The following CD226 variants were observed in gnomAD, a reference collection of about 807,000 sequenced individuals.
CD226 encodes CD226 molecule.
In CD226, 24 loss-of-function variants were observed where a neutral mutation model predicts 34.9. That is an observed-to-expected ratio of 0.69 (90% CI 0.50 to 0.97). The LOEUF (loss-of-function observed/expected upper bound fraction) is 0.97, where lower values mean the gene tolerates loss of function less well. Among genes scored for constraint, CD226 ranks in the 50% least tolerant of loss-of-function variants. CD226 has a pLI of 0.00. For missense variants in CD226, 397 were observed against 412.7 expected, an observed-to-expected ratio of 0.96 and a Z score of 0.33; for synonymous variants, 148 against 147.4, an observed-to-expected ratio of 1.00 and a Z score of -0.03.
chr18:69,887,723 T>C (rs1189249490), intron 3 of CD226, among the ~76,000 whole-genome samples: 1 of 152,232 alleles, frequency 6.6e-6, no homozygotes, highest in South Asian at 2.1e-4. Context: ...ATGCCACTCA[T>C]ATCTAAAGGA....
chr18:69,874,075 C>T (rs533092297), intron 3 of CD226, among the ~76,000 whole-genome samples: 1 of 152,018 alleles, frequency 6.6e-6, no homozygotes, highest in South Asian at 2.1e-4. Flanking sequence ...TACCATGGTC[C>T]AGTAATCTGA....
intron 2 of CD226, among the ~76,000 whole-genome samples, chr18:69,934,027 C>A: frequency 6.6e-6 from 1 of 152,060 alleles, no homozygotes; most frequent in East Asian, 1.9e-4. Context: ...TTTGAGAAAT[C>A]TGATGTCAGG....
Position 69,925,610 on chromosome 18 carries a change from C to T in CD226, c.382+21124G>A, listed in dbSNP as rs2055511327. Among the ~76,000 whole-genome samples the T allele has an allele frequency of 3.3e-5, 5 of 152,040 alleles. No homozygotes were observed. In the South Asian group the frequency reaches 1.0e-3, roughly 32 times the overall value. ...AGTTGCTGGATCCCGTCAACTCTAC[C>T]TTTTAAACATCTCTCAAACATGGAC... On this transcript the variant is annotated intron_variant, in intron 2 of 5. Coordinates refer to ENST00000582621, the MANE Select transcript of CD226 (RefSeq NM_001303618.2).
At position 69,853,790 on chromosome 18, in the gene CD226, T is replaced by C. The variant is rs181805360; in HGVS notation, c.*10524A>G. ...TTTTGCCTCTGGACTTGAATATTTG[T>C]ATAAGGCCTGATGTTGATCCAAGCA... On this transcript the variant is annotated 3_prime_UTR_variant, in exon 6 of 6. Transcript: ENST00000582621. The C allele has an allele frequency of 6.6e-6, 1 of 152,338 alleles. No homozygotes were observed. The highest frequency in any genetic ancestry group is 1.9e-4 in the East Asian group (1 of 5,182). The allele number at this position is 152,338 out of a possible 1,614,324, so 9.4% of individuals were successfully genotyped here. A position where few individuals can be genotyped will look rare whatever the true frequency, so the allele number is the denominator to read the frequency against.
At chr18:69,884,806 T>C (rs1212104438) in intron 3 of CD226, among the ~76,000 whole-genome samples, 3 of 152,200 alleles carry the variant, frequency 2.0e-5, no homozygotes, top group African/African-American at 7.2e-5. Flanking sequence ...TGACAAGCCC[T>C]CTTACTTGAA....
At chr18:69,896,595 T>G (rs1395409935) in intron 2 of CD226, among the ~76,000 whole-genome samples, 1 of 148,804 alleles carries the variant, frequency 6.7e-6, no homozygotes, top group Non-Finnish European at 1.5e-5. Context: ...GTTCCATAAG[T>G]GTTACTTGGT....
chr18:69,922,596 C>A (rs1276372175), intron 2 of CD226, among the ~76,000 whole-genome samples: 1 of 152,154 alleles, frequency 6.6e-6, no homozygotes, highest in Non-Finnish European at 1.5e-5. Flanking sequence ...TAATGTTTTA[C>A]ACTAAAAACA....
At chr18:69,882,399 C>T (rs1223527837) in intron 3 of CD226, among the ~76,000 whole-genome samples, 1 of 152,194 alleles carries the variant, frequency 6.6e-6, no homozygotes. Context: ...TTAGCTACTT[C>T]TTCTGGTGCG....
At chr18:69,956,001 T>A (rs986068631) in intron 1 of CD226, among the ~76,000 whole-genome samples, 3 of 152,106 alleles carry the variant, frequency 2.0e-5, no homozygotes, top group African/African-American at 7.2e-5. Context: ...CCTTAGAACC[T>A]TGGCAAGTCA....
chr18:69,953,123 G>T (rs1413180767), intron 1 of CD226, among the ~76,000 whole-genome samples: 1 of 152,188 alleles, frequency 6.6e-6, no homozygotes, highest in Non-Finnish European at 1.5e-5. Context: ...GCGTTGTAAA[G>T]AAATGTAAAA....
chr18:69,905,697 C>T (rs1310021565), intron 2 of CD226, among the ~76,000 whole-genome samples: 1 of 152,144 alleles, frequency 6.6e-6, no homozygotes, highest in Non-Finnish European at 1.5e-5. Context: ...AAAACACAGA[C>T]TGGGTTAGGG....
In CD226 at chr18:69,858,288, T is replaced by C. The variant is rs548382292; in HGVS notation, c.*6026A>G. ...ATTTATAAAAGGGTATATTAAACCC[T>C]GCCTTTAAGAAAACTATCATCTGGT... On this transcript the variant is annotated 3_prime_UTR_variant, in exon 6 of 6. Coordinates refer to ENST00000582621, the MANE Select transcript of CD226 (RefSeq NM_001303618.2). 6.6e-6 allele frequency: 1 copy of C among 152,322 alleles called. No individual in the cohort carries two copies. The highest frequency in any genetic ancestry group is 2.4e-5 in the African/African-American group (1 of 41,582). 9.4% of individuals were successfully genotyped at this position (152,322 alleles called of 1,614,324 possible).
intron 4 of CD226, among the ~76,000 whole-genome samples, chr18:69,869,527 G>A (rs1355629673): frequency 6.6e-6 from 1 of 152,172 alleles, no homozygotes; most frequent in East Asian, 1.9e-4. Flanking sequence ...GGAGAAGGGA[G>A]AGGATCAGGA....
intron 2 of CD226, among the ~76,000 whole-genome samples, chr18:69,936,126 C>G (rs752871360): frequency 2.0e-5 from 3 of 152,158 alleles, no homozygotes; most frequent in African/African-American, 7.2e-5. Context: ...AGCCTGTACC[C>G]GTGCCTGTAC....
At chr18:69,957,714 G>A (rs184716681), upstream of CD226, among the ~76,000 whole-genome samples, 3 of 152,252 alleles carry the variant, frequency 2.0e-5, no homozygotes, top group East Asian at 1.9e-4. Flanking sequence ...CCGCATATAC[G>A]AAAGCAAGGG....
In CD226 at chr18:69,924,680, T is replaced by A. The variant is rs1363310369; in HGVS notation, c.382+22054A>T. On this transcript the variant is annotated intron_variant, in intron 2 of 5. Coordinates refer to ENST00000582621, the MANE Select transcript of CD226 (RefSeq NM_001303618.2). ...ACAAAGTCAAAGGGCAACAGTAGGA[T>A]GAAGGTATTGCCAAAAAAAAAAAAA... 5.1e-5 allele frequency among the ~76,000 whole-genome samples: 4 copies of A among 78,162 alleles called. No individual in the cohort carries two copies. In the Admixed American group the frequency reaches 6.7e-4, roughly 13 times the overall value. The allele number at this position is 78,162 out of a possible 152,430, so 51.3% of individuals were successfully genotyped here. A position where few individuals can be genotyped will look rare whatever the true frequency, so the allele number is the denominator to read the frequency against.
At chr18:69,869,594 A>T (rs1983374329) in intron 4 of CD226, among the ~76,000 whole-genome samples, 1 of 152,160 alleles carries the variant, frequency 6.6e-6, no homozygotes, top group Non-Finnish European at 1.5e-5. Flanking sequence ...GCTATACAAC[A>T]AACCCCATGA....
In CD226 at chr18:69,895,760, T is replaced by C. The variant is rs751466145; in HGVS notation, c.668A>G (p.Tyr223Cys). ...TVSDSGLYRCYLQASAGENET... is the reference protein window; with the variant it reads ...TVSDSGLYRCCLQASAGENET... ...GTTTTCTCCTGCGCTGGCCTGCAAG[T>C]AGCAGCGGTAAAGCCCCGAGTCTGA... Residue 223 changes from tyrosine to cysteine, a missense_variant, in exon 3 of 6, where the codon TAC becomes TGC. Coordinates refer to ENST00000582621, the MANE Select transcript of CD226 (RefSeq NM_001303618.2). The C allele has an allele frequency of 1.2e-6, 2 of 1,614,178 alleles. No homozygotes were observed. The highest frequency in any genetic ancestry group is 1.7e-6 in the Non-Finnish European group (2 of 1,180,022).
chr18:69,865,115 G>A (rs1983060570), intron 5 of CD226, among the ~76,000 whole-genome samples: 1 of 152,028 alleles, frequency 6.6e-6, no homozygotes, highest in African/African-American at 2.4e-5. Context: ...TCAGCCTCAC[G>A]AGTAGCTGGG....
Sources: allele counts gnomAD v4.1 joint callset (sites outside exome capture counted in the v4.1 genomes callset), GRCh38; gene constraint gnomAD v4.1.1; transcripts MANE v1.5; gene names NCBI Gene and HGNC (gene_info 2026-07-23, HGNC 2026-07-21).